The following CRMP1 variants were observed in gnomAD, a reference collection of about 807,000 sequenced individuals.
CRMP1 encodes the protein dihydropyrimidinase-related protein 1.
Under a neutral mutation model 68.3 loss-of-function variants are expected in CRMP1, and 19 were observed. That is an observed-to-expected ratio of 0.28 (90% confidence interval 0.19 to 0.41). CRMP1 has a LOEUF of 0.41. Ranked by LOEUF, CRMP1 falls within the 10% of genes least tolerant of loss-of-function variation. The pLI, the probability that CRMP1 is intolerant of heterozygous loss-of-function variation, is 1.00. For missense variants in CRMP1, 791 were observed against 967.4 expected, an observed-to-expected ratio of 0.82 and a Z score of 2.42; for synonymous variants, 439 against 399.6, an observed-to-expected ratio of 1.10 and a Z score of -1.18.
rs1380712679 is a variant in CRMP1 at position 5,870,909 on chromosome 4, C to A, written c.382-4153G>T. On this transcript the variant is annotated intron_variant, in intron 1 of 13. Coordinates refer to ENST00000324989, the MANE Select transcript of CRMP1 (RefSeq NM_001014809.3). This position sits in a 1 kb window ranked among gnomAD's most constrained non-coding sequence, Gnocchi z 6.0. ...GCTCCAGAACAGGAAACATAAGTCA[C>A]CAGCAGCTGGTGCATGGCTTCCGGA... Among the ~76,000 whole-genome samples, 1 of 152,170 alleles carries A rather than the reference C, an allele frequency of 6.6e-6. No homozygotes were observed. The highest frequency in any genetic ancestry group is 1.5e-5 in the Non-Finnish European group (1 of 68,032).
intron 4 of CRMP1, 136 bp from the exon 5 acceptor site, chr4:5,851,605 C>G (rs1358499697): frequency 1.2e-6 from 1 of 815,310 alleles, no homozygotes; most frequent in African/African-American, 1.7e-5. Context: ...CAGTGGGGCA[C>G]CTATCCAGCC....
chr4:5,893,017 G>C lies in CRMP1; in HGVS notation c.-48C>G. The C allele has an allele frequency of 9.0e-7, 1 of 1,114,874 alleles. No homozygotes were observed. Among genetic ancestry groups the C allele is most frequent in the Non-Finnish European group, 1.1e-6 (1 of 910,756 alleles). 69.1% of individuals were successfully genotyped at this position (1,114,874 alleles called of 1,614,324 possible). A position where few individuals can be genotyped will look rare whatever the true frequency, so the allele number is the denominator to read the frequency against. The stretch of plus-strand genomic sequence containing the variant: ...ACCGCGCTCCCGCCTGCCCGCCCGC[G>C]GCCCTGGGCACCGCCGTGCGCCGCG... On this transcript the variant is annotated 5_prime_UTR_variant, in exon 1 of 14. Transcript: ENST00000324989.
At chr4:5,864,266 G>A (rs560166240) in intron 2 of CRMP1, among the ~76,000 whole-genome samples, 3 of 152,254 alleles carry the variant, frequency 2.0e-5, no homozygotes, top group African/African-American at 7.2e-5. Flanking sequence ...TGTGTGGGAT[G>A]GGGGAGCCCA....
In CRMP1 at chr4:5,821,732, T is replaced by G; in HGVS notation, c.*28A>C. 1 of 1,574,286 alleles carries G rather than the reference T, an allele frequency of 6.4e-7. No homozygotes were observed. The highest frequency in any genetic ancestry group is 8.7e-7 in the Non-Finnish European group (1 of 1,154,530). On this transcript the variant is annotated 3_prime_UTR_variant, in exon 14 of 14. Transcript: ENST00000324989. This position sits in a 1 kb window ranked among gnomAD's most constrained non-coding sequence, Gnocchi z 4.4. ...GGATGGACATGATTCCCAGAATCCT[T>G]CAGGCTAGCTCCTCCGCGCATCCAC...
chr4:5,834,113 G>A lies in CRMP1; in HGVS notation c.1623+1802C>T, dbSNP rs1003582510. On this transcript the variant is annotated intron_variant, in intron 11 of 13. Transcript: ENST00000324989. The surrounding 1 kb of genome is among the most constrained non-coding windows in gnomAD (Gnocchi z 4.3). Reference sequence around the variant, plus strand: ...ACTTCCTTCTGGGTCCTTGTCCGCCGACCTTTGACTGGCTGACACAGACAT... The same window carrying A: ...ACTTCCTTCTGGGTCCTTGTCCGCCAACCTTTGACTGGCTGACACAGACAT... Among the ~76,000 whole-genome samples the A allele has an allele frequency of 1.3e-5, 2 of 152,186 alleles. No individual in the cohort carries two copies. The highest frequency in any genetic ancestry group is 6.5e-5 in the Admixed American group (1 of 15,280).
chr4:5,848,961 T>A (rs1293203386), intron 6 of CRMP1, among the ~76,000 whole-genome samples: 4 of 152,212 alleles, frequency 2.6e-5, no homozygotes, highest in African/African-American at 9.6e-5. Flanking sequence ...TTTCAACATA[T>A]GAACTTTTGA....
At chr4:5,878,090 T>C (rs1165311838) in intron 1 of CRMP1, among the ~76,000 whole-genome samples, 2 of 152,242 alleles carry the variant, frequency 1.3e-5, no homozygotes, top group Non-Finnish European at 1.5e-5. Flanking sequence ...TCATTTTTAA[T>C]TCTTAAATCA....
In CRMP1 at chr4:5,891,213, C is replaced by CAA. The variant is rs71171494; in HGVS notation, c.381+1375_381+1376insTT. 2.1e-5 allele frequency among the ~76,000 whole-genome samples: 3 copies of CAA among 141,502 alleles called. No individual in the cohort carries two copies. Among genetic ancestry groups the CAA allele is most frequent in the Non-Finnish European group, 4.6e-5 (3 of 65,890 alleles). 92.8% of individuals were successfully genotyped at this position (141,502 alleles called of 152,430 possible). A position where few individuals can be genotyped will look rare whatever the true frequency, so the allele number is the denominator to read the frequency against. On this transcript the variant is annotated intron_variant, in intron 1 of 13. Transcript: ENST00000324989. This position sits in a 1 kb window ranked among gnomAD's most constrained non-coding sequence, Gnocchi z 5.2. ...ACACACACACACACACACACACACA[C>CAA]CCTTGCTGTTGGACCTCTCCCTCGC...
rs146376172 is a variant in CRMP1 at position 5,850,231 on chromosome 4, G to A, written c.883-759C>T. Among the ~76,000 whole-genome samples the A allele has an allele frequency of 6.6e-6, 1 of 152,286 alleles. No homozygotes were observed. Among genetic ancestry groups the A allele is most frequent in the East Asian group, 1.9e-4 (1 of 5,168 alleles). On this transcript the variant is annotated intron_variant, in intron 5 of 13. Transcript: ENST00000324989. This position sits in a 1 kb window ranked among gnomAD's most constrained non-coding sequence, Gnocchi z 4.4. The stretch of plus-strand genomic sequence containing the variant: ...CTTTCCGACAGACATCCCTATTTCA[G>A]CAAATAGGGAAGGCATGTGGAGGCA...
intron 13 of CRMP1, among the ~76,000 whole-genome samples, chr4:5,823,654 T>G (rs1441301289): frequency 5.3e-5 from 8 of 152,210 alleles, no homozygotes; most frequent in Admixed American, 4.6e-4. Flanking sequence ...CACCTCTGCC[T>G]TCTTCCTCTG....
chr4:5,891,847 C>G lies in CRMP1; in HGVS notation c.381+742G>C, dbSNP rs538986689. Among the ~76,000 whole-genome samples the G allele has an allele frequency of 3.9e-5, 6 of 152,214 alleles. No homozygotes were observed. The highest frequency in any genetic ancestry group is 1.4e-4 in the African/African-American group (6 of 41,460). On this transcript the variant is annotated intron_variant, in intron 1 of 13. Transcript: ENST00000324989. This position sits in a 1 kb window ranked among gnomAD's most constrained non-coding sequence, Gnocchi z 5.2. ...TAGCGTTCCCTCTCCCTGATCCTCC[C>G]GGCCCCATGCTCAGGTCCGGGAGGC...
In CRMP1 at chr4:5,842,261, A is replaced by G. The variant is rs1711794548; in HGVS notation, c.1032+832T>C. Among the ~76,000 whole-genome samples the G allele has an allele frequency of 6.6e-6, 1 of 151,500 alleles. No individual in the cohort carries two copies. The highest frequency in any genetic ancestry group is 2.4e-5 in the African/African-American group (1 of 41,244). ...TCAAAAACAAACAAAACAAACAAAC[A>G]AAAAACACAAATTAGCCAGGCGTGG... is the stretch of plus-strand genomic sequence containing the variant. On this transcript the variant is annotated intron_variant, in intron 7 of 13. Coordinates refer to ENST00000324989, the MANE Select transcript of CRMP1 (RefSeq NM_001014809.3). This position sits in a 1 kb window ranked among gnomAD's most constrained non-coding sequence, Gnocchi z 4.5.
chr4:5,872,508 G>A lies in CRMP1; in HGVS notation c.382-5752C>T, dbSNP rs1306519677. On this transcript the variant is annotated intron_variant, in intron 1 of 13. Transcript: ENST00000324989. This position sits in a 1 kb window ranked among gnomAD's most constrained non-coding sequence, Gnocchi z 4.6. ...TTGAGACCAGCCTGGCCAACATGGT[G>A]AAACCCCGTCTCTACTAAAAATGCA... 6.6e-6 allele frequency among the ~76,000 whole-genome samples: 1 copy of A among 152,108 alleles called. No homozygotes were observed. Among genetic ancestry groups the A allele is most frequent in the Non-Finnish European group, 1.5e-5 (1 of 68,030 alleles).
chr4:5,846,757 A>ATT lies in CRMP1; in HGVS notation c.963+2633_963+2634dup, dbSNP rs71171490. Among the ~76,000 whole-genome samples, 70 of 53,732 alleles carry ATT rather than the reference A, an allele frequency of 1.3e-3. 5 individuals carry two copies. The highest frequency in any genetic ancestry group is 5.9e-3 in the Admixed American group (26 of 4,442). The allele number at this position is 53,732 out of a possible 152,430, so 35.3% of individuals were successfully genotyped here. A position where few individuals can be genotyped will look rare whatever the true frequency, so the allele number is the denominator to read the frequency against. Reference sequence around the variant, plus strand: ...AGGCACCCGCCACCATGCCCGGCTAATTTTTTTTTTTTTTTTTTTTTTTTT... The same window carrying ATT: ...AGGCACCCGCCACCATGCCCGGCTAATTTTTTTTTTTTTTTTTTTTTTTTTTT... On this transcript the variant is annotated intron_variant, in intron 6 of 13. Transcript: ENST00000324989.
At chr4:5,840,983 T>A (rs1304616676) in intron 8 of CRMP1, among the ~76,000 whole-genome samples, 1 of 152,230 alleles carries the variant, frequency 6.6e-6, no homozygotes, top group Non-Finnish European at 1.5e-5. Context: ...AGATACTGAA[T>A]TTTGAAGAGA....
intron 8 of CRMP1, among the ~76,000 whole-genome samples, chr4:5,840,553 T>C (rs979567053): frequency 5.9e-5 from 9 of 152,240 alleles, no homozygotes; most frequent in Non-Finnish European, 1.2e-4. Flanking sequence ...GTATCACAGC[T>C]GCCCAACCAG....
rs747596729 is a variant in CRMP1, at chr4:5,883,964, C to T, written c.381+8625G>A. ...TGATTTAAACAAAATAATGTTTTCCCTAAAAATGGTCCACTTCTTCCTCTC... is the reference window on the plus strand; with the variant it reads ...TGATTTAAACAAAATAATGTTTTCCTTAAAAATGGTCCACTTCTTCCTCTC... On this transcript the variant is annotated intron_variant, in intron 1 of 13. Coordinates refer to ENST00000324989, the MANE Select transcript of CRMP1 (RefSeq NM_001014809.3). This position sits in a 1 kb window ranked among gnomAD's most constrained non-coding sequence, Gnocchi z 4.5. 6.6e-6 allele frequency among the ~76,000 whole-genome samples: 1 copy of T among 152,162 alleles called. No homozygotes were observed. Among genetic ancestry groups the T allele is most frequent in the Non-Finnish European group, 1.5e-5 (1 of 68,028 alleles).
chr4:5,840,707 A>AT (rs1333994922), intron 8 of CRMP1, among the ~76,000 whole-genome samples: 1 of 152,236 alleles, frequency 6.6e-6, no homozygotes, highest in African/African-American at 2.4e-5. Flanking sequence ...CTGTAGCTCC[A>AT]GAACCTGCCT....
At chr4:5,846,283 G>A (rs1712190206) in intron 6 of CRMP1, among the ~76,000 whole-genome samples, 2 of 152,288 alleles carry the variant, frequency 1.3e-5, no homozygotes, top group Admixed American at 1.3e-4. Flanking sequence ...ATGACAGAAT[G>A]AGATTAAGTC....
Sources: allele counts gnomAD v4.1 joint callset (sites outside exome capture counted in the v4.1 genomes callset), GRCh38; gene constraint gnomAD v4.1.1; non-coding constraint Gnocchi (gnomAD v3.1); transcripts MANE v1.5; gene names NCBI Gene and HGNC (gene_info 2026-07-23, HGNC 2026-07-21).